Variants in MAML2 observed in about 807,000 individuals in gnomAD.
MAML2 encodes the protein mastermind-like protein 2.
In MAML2, 22 loss-of-function variants were observed where a neutral mutation model predicts 96.1. The ratio of observed to expected loss-of-function variants is 0.23; its 90% CI spans 0.16 to 0.33. MAML2 has a LOEUF of 0.33. Ranked by LOEUF, MAML2 falls within the 10% of genes least tolerant of loss-of-function variation. The pLI, the probability that MAML2 is intolerant of heterozygous loss-of-function variation, is 1.00. For synonymous variants in MAML2, 561 were observed against 521.3 expected (o/e 1.08, Z -1.04); for missense variants, 1,367 against 1,392.4 (o/e 0.98, Z 0.29).
chr11:96,328,668 G>A (rs1863816806), intron 1 of MAML2, among the ~76,000 whole-genome samples: 2 of 152,100 alleles, frequency 1.3e-5, no homozygotes, highest in Non-Finnish European at 2.9e-5. Flanking sequence ...ATTTAATATC[G>A]TTTGGGAAAA....
intron 1 of MAML2, among the ~76,000 whole-genome samples, chr11:96,262,907 A>C (rs1862771008): frequency 6.6e-6 from 1 of 152,226 alleles, no homozygotes; most frequent in South Asian, 2.1e-4. Flanking sequence ...ATCCATTAAT[A>C]AAATCAAAGG....
intron 2 of MAML2, among the ~76,000 whole-genome samples, chr11:96,076,460 A>G (rs1320883335): frequency 6.6e-6 from 1 of 151,630 alleles, no homozygotes; most frequent in African/African-American, 2.4e-5. Flanking sequence ...ACACACACAC[A>G]CACACACACA....
intron 1 of MAML2, among the ~76,000 whole-genome samples, chr11:96,306,184 GAGCCCAGGCCCACA>G (rs1195060874): frequency 1.3e-5 from 2 of 152,060 alleles, no homozygotes; most frequent in African/African-American, 4.8e-5. Context: ...ATCACTGCAC[GAGCCCAGGCCCACA>G]ATATCAAATG....
chr11:96,133,822 T>C (rs1285956820), intron 1 of MAML2, among the ~76,000 whole-genome samples: 2 of 152,012 alleles, frequency 1.3e-5, no homozygotes, highest in East Asian at 1.9e-4. Flanking sequence ...GGTGAAACCC[T>C]GTCTCTACAA....
At chr11:96,034,927 G>A (rs183986833) in intron 2 of MAML2, among the ~76,000 whole-genome samples, 6 of 152,212 alleles carry the variant, frequency 3.9e-5, no homozygotes, top group Admixed American at 3.3e-4. Flanking sequence ...TAGTCACATG[G>A]GGAAGCATAT....
chr11:96,085,072 T>A (rs1565209230), intron 2 of MAML2, among the ~76,000 whole-genome samples: 1 of 152,186 alleles, frequency 6.6e-6, no homozygotes, highest in Non-Finnish European at 1.5e-5. Context: ...CTTGGAGAAT[T>A]AGGCACCACT....
intron 1 of MAML2, among the ~76,000 whole-genome samples, chr11:96,303,059 G>A (rs946587281): frequency 6.6e-6 from 1 of 152,176 alleles, no homozygotes; most frequent in Non-Finnish European, 1.5e-5. Context: ...GAAAGATATT[G>A]CCAAAATGCT....
intron 1 of MAML2, among the ~76,000 whole-genome samples, chr11:96,320,267 A>G (rs1349953803): frequency 1.3e-5 from 2 of 152,230 alleles, no homozygotes; most frequent in Admixed American, 1.3e-4. Flanking sequence ...AGCAAACCTA[A>G]GCAATGAAGT....
At chr11:96,297,569 G>A (rs1460160645) in intron 1 of MAML2, among the ~76,000 whole-genome samples, 6 of 152,024 alleles carry the variant, frequency 3.9e-5, no homozygotes, top group South Asian at 2.1e-4. Context: ...GCAACAGAAC[G>A]AGACTCCATC....
intron 1 of MAML2, among the ~76,000 whole-genome samples, chr11:96,199,075 G>A (rs1861774423): frequency 6.6e-6 from 1 of 151,904 alleles, no homozygotes; most frequent in Non-Finnish European, 1.5e-5. Flanking sequence ...GCGGGCGCCT[G>A]TAATCCCAGC....
intron 1 of MAML2, among the ~76,000 whole-genome samples, chr11:96,294,054 T>G (rs1863252800): frequency 6.6e-6 from 1 of 152,226 alleles, no homozygotes; most frequent in South Asian, 2.1e-4. Context: ...GAATTTTAAG[T>G]ATTATTTTCA....
intron 2 of MAML2, among the ~76,000 whole-genome samples, chr11:96,063,342 T>C (rs539341869): frequency 5.7e-4 from 87 of 152,354 alleles, no homozygotes; most frequent in South Asian, 1.7e-3. Context: ...TTTTCCCAGC[T>C]AGACTGCAGG....
chr11:96,217,873 T>C (rs1439814669), intron 1 of MAML2, among the ~76,000 whole-genome samples: 1 of 152,230 alleles, frequency 6.6e-6, no homozygotes, highest in African/African-American at 2.4e-5. Context: ...CATAGGAAGA[T>C]TACGACAATT....
At chr11:96,324,041 T>G (rs1298317258) in intron 1 of MAML2, among the ~76,000 whole-genome samples, 2 of 152,262 alleles carry the variant, frequency 1.3e-5, no homozygotes, top group Non-Finnish European at 2.9e-5. Flanking sequence ...TAGTTCTAAT[T>G]GTCATTGGCT....
chr11:96,079,657 T>A (rs1326241416), intron 2 of MAML2, among the ~76,000 whole-genome samples: 1 of 152,246 alleles, frequency 6.6e-6, no homozygotes, highest in East Asian at 1.9e-4. Flanking sequence ...CTTTGCATAC[T>A]CTGTGGCACC....
intron 1 of MAML2, among the ~76,000 whole-genome samples, chr11:96,216,209 G>A (rs944206318): frequency 6.6e-6 from 1 of 152,174 alleles, no homozygotes; most frequent in Non-Finnish European, 1.5e-5. Flanking sequence ...TCTCAGTGTT[G>A]CACAGAGGGA....
intron 1 of MAML2, among the ~76,000 whole-genome samples, chr11:96,208,091 G>T (rs934877332): frequency 2.6e-5 from 4 of 152,042 alleles, no homozygotes; most frequent in Admixed American, 6.6e-5. Context: ...TTTTAAAAAA[G>T]ATTTATTTTC....
chr11:96,153,736 C>T (rs1236972716), intron 1 of MAML2, among the ~76,000 whole-genome samples: 1 of 151,796 alleles, frequency 6.6e-6, no homozygotes, highest in Non-Finnish European at 1.5e-5. Flanking sequence ...AAGGTGAAAC[C>T]CCATCTCTAC....
chr11:96,225,843 A>T (rs2135950499), intron 1 of MAML2, among the ~76,000 whole-genome samples: 1 of 152,154 alleles, frequency 6.6e-6, no homozygotes, highest in South Asian at 2.1e-4. Flanking sequence ...AAAAAAAAAA[A>T]ATTAGATAAC....
Sources: allele counts gnomAD v4.1 joint callset (sites outside exome capture counted in the v4.1 genomes callset), GRCh38; gene constraint gnomAD v4.1.1; transcripts MANE v1.5; gene names NCBI Gene and HGNC (gene_info 2026-07-23, HGNC 2026-07-21).